The following WDR4 variants were observed in gnomAD, a reference collection of about 807,000 sequenced individuals.
WDR4 encodes WDR4 tRNA N7-guanosine methyltransferase non-catalytic subunit.
A neutral mutation model predicts 48.6 loss-of-function variants in WDR4; 47 were observed. That is an observed-to-expected ratio of 0.97 (90% CI 0.77 to 1.23). The LOEUF is 1.23. Ranked by LOEUF, WDR4 falls within the 50% of genes most tolerant of loss-of-function variation. WDR4 has a pLI of 0.00. For missense variants in WDR4, 606 were observed against 551.6 expected (o/e 1.10, Z -0.99); for synonymous variants, 268 against 230.0 (o/e 1.17, Z -1.49).
intron 11 of WDR4, among the ~76,000 whole-genome samples, chr21:42,843,882 G>C (rs1292337177): frequency 6.6e-6 from 1 of 152,080 alleles, no homozygotes; most frequent in African/African-American, 2.4e-5. Context: ...TTAAAGATGA[G>C]GTCTCACTGT....
chr21:42,865,054 T>C (rs2058217458), intron 3 of WDR4, among the ~76,000 whole-genome samples: 1 of 152,132 alleles, frequency 6.6e-6, no homozygotes, highest in Non-Finnish European at 1.5e-5. Context: ...GAGGCCCCTA[T>C]GTTTCTCTCA....
Position 42,868,179 on chromosome 21 carries a change from G to T in WDR4, c.297-4583C>A, listed in dbSNP as rs549401585. On this transcript the variant is annotated intron_variant, in intron 3 of 10. Coordinates refer to ENST00000398208, the MANE Select transcript of WDR4 (RefSeq NM_018669.6). ...GAGCAGAGGCCCCGTCCCTCTGGAGGAGTCAGAACCCCTGGAGGAGCCCTG... is the reference window on the plus strand; with the variant it reads ...GAGCAGAGGCCCCGTCCCTCTGGAGTAGTCAGAACCCCTGGAGGAGCCCTG... Among the ~76,000 whole-genome samples, 15 of 152,288 alleles carry T rather than the reference G, an allele frequency of 9.8e-5. No individual in the cohort carries two copies. In the East Asian group the frequency reaches 2.7e-3, roughly 27 times the overall value.
At chr21:42,858,506 A>G (rs2058044751) in intron 6 of WDR4, among the ~76,000 whole-genome samples, 1 of 152,246 alleles carries the variant, frequency 6.6e-6, no homozygotes, top group Non-Finnish European at 1.5e-5. Flanking sequence ...AAAGGAGATT[A>G]AAGGTATTTC....
At chr21:42,854,147 A>G (rs1200917547) in intron 8 of WDR4, among the ~76,000 whole-genome samples, 2 of 152,218 alleles carry the variant, frequency 1.3e-5, no homozygotes, top group African/African-American at 4.8e-5. Context: ...CTTTCCTGAC[A>G]CACACAAGTC....
At chr21:42,856,820 T>G (rs1397147231) in intron 6 of WDR4, among the ~76,000 whole-genome samples, 2 of 152,028 alleles carry the variant, frequency 1.3e-5, no homozygotes, top group Non-Finnish European at 2.9e-5. Flanking sequence ...TCTACAAATG[T>G]GGCAGATAAA....
intron 6 of WDR4, among the ~76,000 whole-genome samples, chr21:42,857,536 G>A (rs775568256): frequency 6.6e-6 from 1 of 152,192 alleles, no homozygotes; most frequent in Non-Finnish European, 1.5e-5. Flanking sequence ...ACACTCCAGA[G>A]AAGGCAATCA....
Position 42,855,777 on chromosome 21 carries a change from C to T in WDR4, c.631G>A (p.Gly211Ser), listed in dbSNP as rs373199747. 7.7e-5 allele frequency: 120 copies of T among 1,548,772 alleles called. 5 individuals carry two copies. Among genetic ancestry groups the T allele is most frequent in the South Asian group, 7.5e-4 (63 of 83,938 alleles). The stretch of plus-strand genomic sequence containing the variant: ...CTGTACTCCCAGAGCCTCAGGGTGC[C>T]GTCCTGCACAAACCAAACACACAGG... ...PGLLLSSSGD[G>S]TLRLWEYRSG... Residue 211 changes from glycine to serine, a missense_variant, in exon 7 of 11, where the codon GGC becomes AGC. Coordinates refer to ENST00000398208, the MANE Select transcript of WDR4 (RefSeq NM_018669.6).
rs2058428245 is a variant in WDR4 at position 42,873,790 on chromosome 21, G to GA, written c.156-100dup. 4 of 1,457,490 alleles carry GA rather than the reference G, an allele frequency of 2.7e-6. No individual in the cohort carries two copies. The African/African-American group carries it at 5.7e-5, about 21-fold the overall frequency. 90.3% of individuals were successfully genotyped at this position (1,457,490 alleles called of 1,614,324 possible). A position where few individuals can be genotyped will look rare whatever the true frequency, so the allele number is the denominator to read the frequency against. ...GTAATTTCTAACATGGGAGGAGGTA[G>GA]AAACTGTTAAGGGGATCACGTAGCC... is the stretch of plus-strand genomic sequence containing the variant. On this transcript the variant is annotated intron_variant, in intron 2 of 10. Coordinates refer to ENST00000398208, the MANE Select transcript of WDR4 (RefSeq NM_018669.6).
At chr21:42,879,598 C>T (rs1273358398), upstream of WDR4, 35 of 1,391,428 alleles carry the variant, frequency 2.5e-5, no homozygotes, top group Admixed American at 5.7e-5. Flanking sequence ...ATGACGTATA[C>T]CCCACGTACC....
At chr21:42,890,412 T>G in the WDR4 span, among the ~76,000 whole-genome samples, 1 of 152,116 alleles carries the variant, frequency 6.6e-6, no homozygotes, top group Non-Finnish European at 1.5e-5. Flanking sequence ...GGCACACGCC[T>G]GTAATCCCAG....
At chr21:42,860,079 C>T (rs931332796) in intron 5 of WDR4, among the ~76,000 whole-genome samples, 1 of 152,188 alleles carries the variant, frequency 6.6e-6, no homozygotes, top group Non-Finnish European at 1.5e-5. Context: ...CTACAGGCCC[C>T]CCAGCACCCA....
chr21:42,852,333 G>A lies in WDR4; in HGVS notation c.976-9C>T, dbSNP rs112937323. ...GTGCTCTCAGGAACAGACTGCAGGCGACAAACAGGAAATCTTCATCAGAAA... is the reference window on the plus strand; with the variant it reads ...GTGCTCTCAGGAACAGACTGCAGGCAACAAACAGGAAATCTTCATCAGAAA... On this transcript the variant is annotated splice_polypyrimidine_tract_variant and intron_variant, in intron 9 of 10. Transcript: ENST00000398208. The A allele has an allele frequency of 1.4e-3, 2,189 of 1,613,594 alleles. 14 individuals carry two copies. In the African/African-American group the frequency reaches 0.015, roughly 11 times the overall value.
intron 8 of WDR4, among the ~76,000 whole-genome samples, chr21:42,854,135 ACCTTT>A (rs2057920306): frequency 6.6e-6 from 1 of 152,180 alleles, no homozygotes; most frequent in Non-Finnish European, 1.5e-5. Context: ...CAAATAGAAT[ACCTTT>A]CCTGACACAC....
chr21:42,883,670 A>G (rs1321673047), upstream of WDR4: 1 of 153,794 alleles, frequency 6.5e-6, no homozygotes, highest in Non-Finnish European at 1.5e-5. Context: ...TTATGTGGCC[A>G]TAATTCAAGG....
downstream of WDR4, among the ~76,000 whole-genome samples, chr21:42,846,542 C>T (rs1373707000): frequency 1.3e-5 from 2 of 152,184 alleles, no homozygotes; most frequent in Non-Finnish European, 2.9e-5. Context: ...AGTACGCACA[C>T]TGTAATCAAA....
At chr21:42,855,494 G>A (rs1365010288) in intron 7 of WDR4, among the ~76,000 whole-genome samples, 188 bp downstream of exon 7, 1 of 152,208 alleles carries the variant, frequency 6.6e-6, no homozygotes, top group Non-Finnish European at 1.5e-5. Flanking sequence ...GCAACAGGGA[G>A]ACAAATTATT....
intron 2 of WDR4, 122 bp downstream of exon 2, chr21:42,876,580 C>G: frequency 2.3e-6 from 2 of 888,404 alleles, no homozygotes; most frequent in African/African-American, 3.4e-5. Context: ...TGCTACTTAT[C>G]TGCACCACTG....
chr21:42,890,911 TTACCTCCCAACCAGGC>T, the WDR4 span, among the ~76,000 whole-genome samples: 1 of 152,202 alleles, frequency 6.6e-6, no homozygotes, highest in East Asian at 1.9e-4. Context: ...TAGGCCACAG[TTACCTCCCAACCAGGC>T]TGCATAGGCT....
chr21:42,874,000 CA>C (rs1479582572), intron 2 of WDR4, among the ~76,000 whole-genome samples: 1 of 152,080 alleles, frequency 6.6e-6, no homozygotes, highest in African/African-American at 2.4e-5. Flanking sequence ...AGGCTAGAGG[CA>C]GGGATAAACT....
Sources: allele counts gnomAD v4.1 joint callset (sites outside exome capture counted in the v4.1 genomes callset), GRCh38; gene constraint gnomAD v4.1.1; transcripts MANE v1.5; gene names NCBI Gene and HGNC (gene_info 2026-07-23, HGNC 2026-07-21).